Variants in DGKI observed in about 807,000 individuals in gnomAD.
DGKI encodes diacylglycerol kinase iota.
A neutral mutation model predicts 147.5 loss-of-function variants in DGKI; 55 were observed. The observed-to-expected ratio is 0.37, with a 90% CI of 0.30 to 0.47. The LOEUF is 0.47. DGKI is among the 20% of genes least tolerant of loss of function. DGKI has a pLI of 1.00. For synonymous variants in DGKI, 469 were observed against 477.1 expected (o/e 0.98, Z 0.22); for missense variants, 1,007 against 1,323.8 (o/e 0.76, Z 3.71).
intron 6 of DGKI, among the ~76,000 whole-genome samples, chr7:137,638,648 G>GCA (rs1821500774): frequency 2.6e-4 from 1 of 3,840 alleles, no homozygotes; most frequent in African/African-American, 5.3e-4. Flanking sequence ...ATATGTGTAT[G>GCA]TATATACACA....
chr7:137,804,577 T>C (rs1336132208), intron 1 of DGKI, among the ~76,000 whole-genome samples: 1 of 152,230 alleles, frequency 6.6e-6, no homozygotes, highest in Non-Finnish European at 1.5e-5. Context: ...AATAAAAAGA[T>C]GTAAACGTTT....
intron 1 of DGKI, among the ~76,000 whole-genome samples, chr7:137,718,888 T>C (rs1407466088): frequency 6.6e-6 from 1 of 152,126 alleles, no homozygotes; most frequent in Non-Finnish European, 1.5e-5. Context: ...ATGTGATCAC[T>C]GCAAAAAAGG....
At chr7:137,460,738 T>C (rs1433642695) in intron 27 of DGKI, among the ~76,000 whole-genome samples, 1 of 152,202 alleles carries the variant, frequency 6.6e-6, no homozygotes, top group Admixed American at 6.5e-5. Flanking sequence ...TTAGAGATAC[T>C]CCAACTTGTA....
At chr7:137,520,197 C>A (rs1331156394) in intron 21 of DGKI, among the ~76,000 whole-genome samples, 1 of 152,074 alleles carries the variant, frequency 6.6e-6, no homozygotes, top group Non-Finnish European at 1.5e-5. Context: ...CTAAAAATTT[C>A]AAATGTGTCC....
chr7:137,613,608 A>G (rs1269306800), intron 8 of DGKI, among the ~76,000 whole-genome samples: 5 of 152,142 alleles, frequency 3.3e-5, no homozygotes, highest in Admixed American at 2.6e-4. Context: ...AACCAAAAAA[A>G]GGGGGACTAT....
chr7:137,487,836 C>T (rs574641167), intron 21 of DGKI, 147 bp from the exon 22 acceptor site: 3 of 686,876 alleles, frequency 4.4e-6, no homozygotes, highest in East Asian at 5.4e-5. Flanking sequence ...GTACTTTCTC[C>T]CTACACCTTT....
intron 6 of DGKI, among the ~76,000 whole-genome samples, chr7:137,636,961 C>T (rs951605787): frequency 8.5e-5 from 13 of 152,202 alleles, no homozygotes; most frequent in African/African-American, 3.1e-4. Flanking sequence ...TCTTGTACAG[C>T]CTGCAGAACT....
chr7:137,746,760 G>A (rs1403698894), intron 1 of DGKI, among the ~76,000 whole-genome samples: 2 of 152,028 alleles, frequency 1.3e-5, no homozygotes, highest in Non-Finnish European at 2.9e-5. Context: ...GGTATCAGGT[G>A]TAAGCTGTTC....
chr7:137,725,048 G>A (rs1447008856), intron 1 of DGKI, among the ~76,000 whole-genome samples: 1 of 152,130 alleles, frequency 6.6e-6, no homozygotes, highest in South Asian at 2.1e-4. Flanking sequence ...ATACAGAGGT[G>A]AGAAGGGGAT....
chr7:137,511,894 C>A (rs533812911), intron 21 of DGKI, among the ~76,000 whole-genome samples: 1 of 152,280 alleles, frequency 6.6e-6, no homozygotes, highest in Non-Finnish European at 1.5e-5. Context: ...TGTCCAATAA[C>A]CCTTGCCTCA....
intron 8 of DGKI, among the ~76,000 whole-genome samples, chr7:137,616,277 T>A (rs912833511): frequency 6.6e-6 from 1 of 152,276 alleles, no homozygotes; most frequent in Middle Eastern, 3.4e-3. Flanking sequence ...GCTCATAGGA[T>A]ACTATGATGA....
rs181215735 is a variant in DGKI, at chr7:137,618,145, A to T, written c.993+1679T>A. Among the ~76,000 whole-genome samples, 8 of 12,234 alleles carry T rather than the reference A, an allele frequency of 6.5e-4. 1 individual carries two copies. Among genetic ancestry groups the T allele is most frequent in the African/African-American group, 2.0e-3 (8 of 4,094 alleles). The allele number at this position is 12,234 out of a possible 152,430, so 8.0% of individuals were successfully genotyped here. A position where few individuals can be genotyped will look rare whatever the true frequency, so the allele number is the denominator to read the frequency against. On this transcript the variant is annotated intron_variant, in intron 8 of 32. Transcript: ENST00000614521. ...TAAAATACTATATATATATATATAT[A>T]TATATATTTTTTTTTTTTTACTCTA...
intron 24 of DGKI, among the ~76,000 whole-genome samples, chr7:137,469,349 G>A (rs1281776001): frequency 6.6e-6 from 1 of 152,180 alleles, no homozygotes; most frequent in Admixed American, 6.5e-5. Context: ...TAACCAAGCT[G>A]TGTTGAGGGA....
chr7:137,691,354 G>A (rs1340494782), intron 1 of DGKI, among the ~76,000 whole-genome samples: 1 of 152,078 alleles, frequency 6.6e-6, no homozygotes, highest in Non-Finnish European at 1.5e-5. Context: ...GTAAGAATCT[G>A]CCATCTCTGA....
intron 20 of DGKI, among the ~76,000 whole-genome samples, chr7:137,542,485 T>A (rs775205955): frequency 3.9e-5 from 6 of 152,180 alleles, no homozygotes; most frequent in Non-Finnish European, 8.8e-5. Flanking sequence ...CTTAAAGGTG[T>A]AGTGTTCAGT....
intron 28 of DGKI, among the ~76,000 whole-genome samples, chr7:137,416,461 A>G (rs1812363513): frequency 1.3e-5 from 2 of 152,200 alleles, no homozygotes; most frequent in African/African-American, 4.8e-5. Context: ...GGAATCTGCA[A>G]AGAGCTTTGT....
intron 12 of DGKI, among the ~76,000 whole-genome samples, chr7:137,588,296 T>C (rs1819479467): frequency 6.6e-6 from 1 of 152,198 alleles, no homozygotes; most frequent in Non-Finnish European, 1.5e-5. Flanking sequence ...ATTCATTCTA[T>C]ATTTGTACGA....
At chr7:137,690,603 A>G (rs1823570046) in intron 1 of DGKI, among the ~76,000 whole-genome samples, 1 of 152,220 alleles carries the variant, frequency 6.6e-6, no homozygotes, top group Admixed American at 6.5e-5. Context: ...TCAATAACTT[A>G]CCAAGACCCA....
At chr7:137,461,991 T>C (rs553595581) in intron 27 of DGKI, among the ~76,000 whole-genome samples, 9 of 152,280 alleles carry the variant, frequency 5.9e-5, no homozygotes, top group South Asian at 2.1e-4. Flanking sequence ...TACTATCTTA[T>C]ATACAATTAT....
Sources: gnomAD v4.1 joint callset for allele counts (sites outside exome capture counted in the v4.1 genomes callset) on GRCh38, gnomAD v4.1.1 for gene constraint, MANE v1.5 for transcripts, NCBI Gene and HGNC (gene_info 2026-07-23, HGNC 2026-07-21) for gene names.